RFX7: variants seen among roughly 807,000 people sequenced by gnomAD.
RFX7 encodes DNA-binding protein RFX7.
RFX7 carries 26 observed loss-of-function variants against 111.8 expected under a neutral mutation model. That is an observed-to-expected ratio of 0.23 (90% CI 0.17 to 0.32). The LOEUF (loss-of-function observed/expected upper bound fraction) is 0.32. Ranked by LOEUF, RFX7 falls within the 10% of genes least tolerant of loss-of-function variation. The pLI, the probability that RFX7 is intolerant of heterozygous loss-of-function variation, is 1.00. For missense variants in RFX7, 1,573 were observed against 1,772.9 expected (o/e 0.89, Z 2.02); for synonymous variants, 624 against 624.4 (o/e 1.00, Z 0.01).
chr15:56,183,853 G>C (rs1331892094), intron 2 of RFX7, among the ~76,000 whole-genome samples: 1 of 152,078 alleles, frequency 6.6e-6, no homozygotes, highest in Non-Finnish European at 1.5e-5. Context: ...TCCTTAAAAT[G>C]TCATTTCCTT....
chr15:56,208,101 A>C (rs1193378316), intron 2 of RFX7, among the ~76,000 whole-genome samples: 1 of 152,204 alleles, frequency 6.6e-6, no homozygotes, highest in Non-Finnish European at 1.5e-5. Context: ...GTGAATATTT[A>C]AGAAAAACCT....
chr15:56,238,076 T>C (rs75035077), intron 2 of RFX7, among the ~76,000 whole-genome samples: 3,515 of 152,304 alleles, frequency 0.023, 137 homozygotes, highest in African/African-American at 0.08. Context: ...GTTATGAATT[T>C]ATAGTACATG....
At chr15:56,216,096 G>A (rs1200575983) in intron 2 of RFX7, among the ~76,000 whole-genome samples, 2 of 152,184 alleles carry the variant, frequency 1.3e-5, no homozygotes, top group Non-Finnish European at 2.9e-5. Flanking sequence ...AGAATTGCAT[G>A]ATTAGGTCCA....
At chr15:56,237,942 C>T (rs574281185) in intron 2 of RFX7, among the ~76,000 whole-genome samples, 1 of 152,244 alleles carries the variant, frequency 6.6e-6, no homozygotes, top group Admixed American at 6.5e-5. Flanking sequence ...ACAGGCTAAA[C>T]TCAGGGTAGG....
chr15:56,116,093 C>T (rs1436137812), intron 5 of RFX7, among the ~76,000 whole-genome samples: 2 of 152,174 alleles, frequency 1.3e-5, no homozygotes, highest in African/African-American at 4.8e-5. Context: ...CTTTGAATTT[C>T]CATCCAGATC....
chr15:56,210,322 CAG>C (rs1190008901), intron 2 of RFX7, among the ~76,000 whole-genome samples: 4 of 151,940 alleles, frequency 2.6e-5, no homozygotes, highest in African/African-American at 2.4e-5. Context: ...AAGGCAAAAA[CAG>C]AGAACTGCAA....
At chr15:56,134,982 T>C (rs1401291034) in intron 5 of RFX7, among the ~76,000 whole-genome samples, 11 of 152,192 alleles carry the variant, frequency 7.2e-5, no homozygotes, top group Non-Finnish European at 1.3e-4. Flanking sequence ...CCATGGTGTA[T>C]ATGTGCCACA....
chr15:56,233,967 T>A (rs540595540), intron 2 of RFX7, among the ~76,000 whole-genome samples: 167 of 152,334 alleles, frequency 1.1e-3, no homozygotes, highest in African/African-American at 4.0e-3. Flanking sequence ...ATTCACATTA[T>A]TGGCAAAGCT....
In RFX7 at chr15:56,093,103, A is replaced by C; in HGVS notation, c.*242T>G. Reference sequence around the variant, plus strand: ...ACAGCTGGATAGTCAATCAATGTGAATAAATGGGGCACATTATAAAATTTA... The same window carrying C: ...ACAGCTGGATAGTCAATCAATGTGACTAAATGGGGCACATTATAAAATTTA... On this transcript the variant is annotated 3_prime_UTR_variant, in exon 10 of 10. Transcript: ENST00000559447. The C allele has an allele frequency of 2.3e-6, 1 of 431,312 alleles. No individual in the cohort carries two copies. Among genetic ancestry groups the C allele is most frequent in the Non-Finnish European group, 4.1e-6 (1 of 242,916 alleles). 26.7% of individuals were successfully genotyped at this position (431,312 alleles called of 1,614,324 possible).
chr15:56,222,754 G>A (rs1241598413), intron 2 of RFX7, among the ~76,000 whole-genome samples: 2 of 152,120 alleles, frequency 1.3e-5, no homozygotes, highest in Non-Finnish European at 2.9e-5. Context: ...ATTTACCAGA[G>A]ACAACATAAA....
chr15:56,152,445 G>C (rs905815354), intron 3 of RFX7, among the ~76,000 whole-genome samples: 1 of 152,142 alleles, frequency 6.6e-6, no homozygotes, highest in Non-Finnish European at 1.5e-5. Flanking sequence ...ACCTGCTCCT[G>C]AATGACTACT....
chr15:56,120,019 T>C lies in RFX7; in HGVS notation c.402-16349A>G, dbSNP rs1165908198. 2.6e-5 allele frequency among the ~76,000 whole-genome samples: 4 copies of C among 152,102 alleles called. No homozygotes were observed. The South Asian group carries it at 6.2e-4, about 24-fold the overall frequency. On this transcript the variant is annotated intron_variant, in intron 5 of 9. Coordinates refer to ENST00000559447, the MANE Select transcript of RFX7 (RefSeq NM_022841.7). Reference sequence around the variant, plus strand: ...CTCTTTTAATATAAATTTGGGATAGTTTTTTCTATAATATTTCTGTGCAGA... The same window carrying C: ...CTCTTTTAATATAAATTTGGGATAGCTTTTTCTATAATATTTCTGTGCAGA...
chr15:56,193,509 G>A (rs1312243256), intron 2 of RFX7, among the ~76,000 whole-genome samples: 1 of 152,064 alleles, frequency 6.6e-6, no homozygotes, highest in Non-Finnish European at 1.5e-5. Flanking sequence ...CTGTTTTGCT[G>A]ATTTTTAACT....
intron 2 of RFX7, among the ~76,000 whole-genome samples, chr15:56,211,851 C>A (rs2043316159): frequency 1.3e-5 from 2 of 151,932 alleles, no homozygotes; most frequent in Admixed American, 1.3e-4. Flanking sequence ...ATTAAAATGG[C>A]CAAAATCCAA....
intron 5 of RFX7, among the ~76,000 whole-genome samples, chr15:56,125,477 C>T (rs1017288576): frequency 6.6e-6 from 1 of 152,056 alleles, no homozygotes; most frequent in Admixed American, 6.6e-5. Context: ...TTCTTCTGAT[C>T]TATGAGCATG....
intron 5 of RFX7, among the ~76,000 whole-genome samples, chr15:56,111,691 A>C (rs370037454): frequency 3.3e-5 from 5 of 151,456 alleles, no homozygotes; most frequent in Non-Finnish European, 7.4e-5. Context: ...CCAAAAAAAC[A>C]ATACCAGGGC....
chr15:56,135,425 G>C (rs1214937538), intron 5 of RFX7, among the ~76,000 whole-genome samples: 1 of 152,160 alleles, frequency 6.6e-6, no homozygotes, highest in Non-Finnish European at 1.5e-5. Context: ...TTTGAGAAGT[G>C]TCTGTTCATG....
In RFX7 at chr15:56,157,643, C is replaced by G. The variant is rs187758588; in HGVS notation, c.196-13160G>C. 1.4e-4 allele frequency among the ~76,000 whole-genome samples: 21 copies of G among 152,346 alleles called. 1 individual carries two copies. The highest frequency in any genetic ancestry group is 1.2e-3 in the Admixed American group (19 of 15,302). ...TTGCCCAGGCTGGAGTGCAGTGGCA[C>G]AATCTTGGCTCACTGCAACCTCCAC... On this transcript the variant is annotated intron_variant, in intron 3 of 9. Transcript: ENST00000559447.
At chr15:56,185,000 TTTTG>T in intron 2 of RFX7, among the ~76,000 whole-genome samples, 1 of 152,224 alleles carries the variant, frequency 6.6e-6, no homozygotes, top group Admixed American at 6.5e-5. Context: ...AGTTTTTATT[TTTTG>T]TTTTTCTTCT....
Sources: gnomAD v4.1 joint callset for allele counts (sites outside exome capture counted in the v4.1 genomes callset) on GRCh38, gnomAD v4.1.1 for gene constraint, MANE v1.5 for transcripts, NCBI Gene and HGNC (gene_info 2026-07-23, HGNC 2026-07-21) for gene names.